Variants in DNAJC15 observed in about 807,000 individuals in gnomAD.
The protein encoded by DNAJC15 is dnaJ homolog subfamily C member 15.
A neutral mutation model predicts 22.4 loss-of-function variants in DNAJC15; 27 were observed. That is an observed-to-expected ratio of 1.20 (90% confidence interval 0.89 to 1.66). The LOEUF (loss-of-function observed/expected upper bound fraction) is 1.66, where lower values mean the gene tolerates loss of function less well. Among genes scored for constraint, DNAJC15 ranks in the 40% most tolerant of loss-of-function variants. The pLI, the probability that DNAJC15 is intolerant of heterozygous loss-of-function variation, is 0.00. For synonymous variants in DNAJC15, 79 were observed against 63.2 expected (o/e 1.25, Z -1.19); for missense variants, 208 against 187.1 (o/e 1.11, Z -0.65).
At chr13:43,070,719 G>A (rs528484078) in intron 3 of DNAJC15, among the ~76,000 whole-genome samples, 3 of 152,250 alleles carry the variant, frequency 2.0e-5, no homozygotes, top group African/African-American at 7.2e-5. Context: ...GTATATGAAG[G>A]GAATAGTGGT....
intron 1 of DNAJC15, among the ~76,000 whole-genome samples, chr13:43,061,629 G>T (rs549473329): frequency 6.7e-4 from 102 of 152,336 alleles, no homozygotes; most frequent in Non-Finnish European, 1.1e-3. Flanking sequence ...CATTTCAAAT[G>T]GCGGAAAGCA....
chr13:43,073,290 A>G (rs1402117410), intron 3 of DNAJC15, among the ~76,000 whole-genome samples: 1 of 152,244 alleles, frequency 6.6e-6, no homozygotes, highest in East Asian at 1.9e-4. Flanking sequence ...AGAAGGCAGC[A>G]TTGGTACCTG....
At chr13:43,063,977 A>G (rs1369763084) in intron 1 of DNAJC15, among the ~76,000 whole-genome samples, 2 of 152,242 alleles carry the variant, frequency 1.3e-5, no homozygotes, top group African/African-American at 4.8e-5. Context: ...TTAAATCAAT[A>G]CGTCTTCTAT....
At chr13:43,080,420 T>G (rs2040656413) in intron 4 of DNAJC15, among the ~76,000 whole-genome samples, 1 of 152,256 alleles carries the variant, frequency 6.6e-6, no homozygotes, top group Admixed American at 6.5e-5. Flanking sequence ...TAGTATTCCA[T>G]GGTGTTTATG....
At chr13:43,052,420 C>A (rs550671627) in intron 1 of DNAJC15, among the ~76,000 whole-genome samples, 1 of 151,536 alleles carries the variant, frequency 6.6e-6, no homozygotes, top group South Asian at 2.1e-4. Flanking sequence ...CATGTCTTAG[C>A]CCACTTTTTT....
intron 5 of DNAJC15, among the ~76,000 whole-genome samples, chr13:43,102,770 C>A (rs1192373426): frequency 6.6e-6 from 1 of 151,946 alleles, no homozygotes; most frequent in African/African-American, 2.4e-5. Context: ...TTGTTTTGCA[C>A]CTGTGCTCAT....
chr13:43,070,187 A>T (rs2040602317), intron 3 of DNAJC15, among the ~76,000 whole-genome samples: 1 of 152,216 alleles, frequency 6.6e-6, no homozygotes, highest in Non-Finnish European at 1.5e-5. Context: ...GCACCAAAGG[A>T]TGACATACTG....
At chr13:43,034,346 C>T (rs1174838277) in intron 1 of DNAJC15, among the ~76,000 whole-genome samples, 11 of 115,978 alleles carry the variant, frequency 9.5e-5, no homozygotes, top group African/African-American at 2.1e-4. Flanking sequence ...GACAGAGTCT[C>T]GCTGTGTCGC....
intron 1 of DNAJC15, among the ~76,000 whole-genome samples, chr13:43,050,967 T>G (rs1388456572): frequency 6.6e-6 from 1 of 152,110 alleles, no homozygotes; most frequent in Non-Finnish European, 1.5e-5. Flanking sequence ...TTGTTTTTGT[T>G]TCTTGGTATT....
chr13:43,077,793 A>G (rs573846680), intron 3 of DNAJC15, among the ~76,000 whole-genome samples: 39 of 152,270 alleles, frequency 2.6e-4, no homozygotes, highest in African/African-American at 9.1e-4. Flanking sequence ...TCATATCCCA[A>G]ATTCAATCCA....
In DNAJC15 at chr13:43,108,197, C is replaced by T. The variant is rs2040807519; in HGVS notation, c.*949C>T. The T allele has an allele frequency of 6.6e-6, 1 of 152,228 alleles. No homozygotes were observed. Among genetic ancestry groups the T allele is most frequent in the Non-Finnish European group, 1.5e-5 (1 of 67,988 alleles). The allele number at this position is 152,228 out of a possible 1,614,324, so 9.4% of individuals were successfully genotyped here. ...GAGGAATAAGTGGCATAGAGCTAGG[C>T]TTTAGAAAAGAAAAATATTCCGATA... On this transcript the variant is annotated 3_prime_UTR_variant, in exon 6 of 6. Transcript: ENST00000379221.
chr13:43,073,676 C>G (rs1274947696), intron 3 of DNAJC15, among the ~76,000 whole-genome samples: 1 of 152,092 alleles, frequency 6.6e-6, no homozygotes, highest in Non-Finnish European at 1.5e-5. Flanking sequence ...TCTGTACATG[C>G]AAATTTTACC....
chr13:43,104,801 A>G (rs1283170960), intron 5 of DNAJC15, among the ~76,000 whole-genome samples: 1 of 148,730 alleles, frequency 6.7e-6, no homozygotes, highest in East Asian at 2.0e-4. Context: ...GTGATCCTCC[A>G]CCTCAGCCTC....
intron 5 of DNAJC15, among the ~76,000 whole-genome samples, chr13:43,092,512 GTA>G (rs57236051): frequency 1.2e-4 from 18 of 149,822 alleles, no homozygotes; most frequent in South Asian, 6.3e-4. Flanking sequence ...ATGTGTGTGT[GTA>G]TATATATATA....
In DNAJC15 at chr13:43,028,854, G is replaced by C. The variant is rs79834229; in HGVS notation, c.108+5120G>C. 1.2e-3 allele frequency among the ~76,000 whole-genome samples: 185 copies of C among 152,082 alleles called. 1 individual carries two copies. Among genetic ancestry groups the C allele is most frequent in the African/African-American group, 4.1e-3 (172 of 41,464 alleles). On this transcript the variant is annotated intron_variant, in intron 1 of 5. Transcript: ENST00000379221. ...GTAGGAGAAAATTGTTTTATACTGTGTGTTTCCTTAGGAAGTTGCACAAGT... is the reference window on the plus strand; with the variant it reads ...GTAGGAGAAAATTGTTTTATACTGTCTGTTTCCTTAGGAAGTTGCACAAGT...
chr13:43,072,222 T>C (rs2040612550), intron 3 of DNAJC15, among the ~76,000 whole-genome samples: 1 of 152,192 alleles, frequency 6.6e-6, no homozygotes, highest in South Asian at 2.1e-4. Context: ...TAGGATTTTC[T>C]CTTTCTTACT....
At chr13:43,088,400 C>T (rs1197319801) in intron 5 of DNAJC15, among the ~76,000 whole-genome samples, 4 of 152,156 alleles carry the variant, frequency 2.6e-5, no homozygotes, top group Admixed American at 2.6e-4. Context: ...TATTAGCTCT[C>T]CTTCAAGACT....
chr13:43,047,031 C>A lies in DNAJC15; in HGVS notation c.109-18655C>A, dbSNP rs887828871. On this transcript the variant is annotated intron_variant, in intron 1 of 5. Transcript: ENST00000379221. ...AATACTCACCACATGGCCCAAGGTT[C>A]AATTTCTTGGAATCTGTGAGGCCAA... Among the ~76,000 whole-genome samples the A allele has an allele frequency of 6.6e-5, 10 of 152,146 alleles. No individual in the cohort carries two copies. In the South Asian group the frequency reaches 2.1e-3, roughly 32 times the overall value.
chr13:43,078,487 G>A (rs1298013775), intron 3 of DNAJC15, 125 bp from the exon 4 acceptor site: 9 of 599,660 alleles, frequency 1.5e-5, no homozygotes, highest in African/African-American at 5.6e-5. Context: ...GCTTCCCCCC[G>A]CCCCATAATT....
Sources: gnomAD v4.1 joint callset for allele counts (sites outside exome capture counted in the v4.1 genomes callset) on GRCh38, gnomAD v4.1.1 for gene constraint, MANE v1.5 for transcripts, NCBI Gene and HGNC (gene_info 2026-07-23, HGNC 2026-07-21) for gene names.